The following PHLPP2 variants were observed in gnomAD, a reference collection of about 807,000 sequenced individuals.
PHLPP2 encodes PH domain leucine-rich repeat-containing protein phosphatase 2.
PHLPP2 carries 66 observed loss-of-function variants against 124.9 expected under a neutral mutation model. That is an observed-to-expected ratio of 0.53 (90% confidence interval 0.43 to 0.65). The LOEUF (loss-of-function observed/expected upper bound fraction) is 0.65. PHLPP2 is among the 30% of genes least tolerant of loss of function. The pLI, the probability that PHLPP2 is intolerant of heterozygous loss-of-function variation, is 0.00. For synonymous variants in PHLPP2, 681 were observed against 624.7 expected, an observed-to-expected ratio of 1.09 and a Z score of -1.34; for missense variants, 1,685 against 1,600.4, an observed-to-expected ratio of 1.05 and a Z score of -0.90.
In PHLPP2 at chr16:71,674,382, CT is replaced by C. The variant is rs371726738; in HGVS notation, c.1472-2061del. Among the ~76,000 whole-genome samples the C allele has an allele frequency of 6.7e-3, 943 of 141,256 alleles. 7 individuals are homozygous for C. The highest frequency in any genetic ancestry group is 0.018 in the African/African-American group (687 of 38,446). The allele number at this position is 141,256 out of a possible 152,430, so 92.7% of individuals were successfully genotyped here. On this transcript the variant is annotated intron_variant, in intron 9 of 18. Transcript: ENST00000568954. ...CTTGAGCCACTGTGCCAGGCCCAGA[CT>C]TTTTTTTTTTTTTTTAAAGAATTAA...
At position 71,672,118 on chromosome 16, in the gene PHLPP2, TC is replaced by T. The variant is rs1172505364; in HGVS notation, c.1532+143del. On this transcript the variant is annotated intron_variant, in intron 10 of 18. Coordinates refer to ENST00000568954, the MANE Select transcript of PHLPP2 (RefSeq NM_015020.3). ...TATACAGTAAGGCTATTAAACTTAT[TC>T]GTCCATTCATCCTTTCTCCTTTTTC... The T allele has an allele frequency of 1.1e-5, 7 of 646,428 alleles. No individual in the cohort carries two copies. In the Middle Eastern group the frequency reaches 7.4e-4, roughly 69 times the overall value. The allele number at this position is 646,428 out of a possible 1,614,324, so 40.0% of individuals were successfully genotyped here. A position where few individuals can be genotyped will look rare whatever the true frequency, so the allele number is the denominator to read the frequency against.
At chr16:71,703,383 A>T (rs965573070) in intron 2 of PHLPP2, among the ~76,000 whole-genome samples, 2 of 152,180 alleles carry the variant, frequency 1.3e-5, no homozygotes, top group Admixed American at 6.5e-5. Flanking sequence ...CTCCCTAAAG[A>T]TCATTCTACT....
chr16:71,693,771 T>G (rs993650339), intron 3 of PHLPP2, among the ~76,000 whole-genome samples: 2 of 152,222 alleles, frequency 1.3e-5, no homozygotes, highest in African/African-American at 4.8e-5. Flanking sequence ...TTGTCAATTT[T>G]TAAAGAACCA....
intron 3 of PHLPP2, among the ~76,000 whole-genome samples, 161 bp downstream of exon 3, chr16:71,702,437 C>T (rs2045241130): frequency 6.6e-6 from 1 of 152,164 alleles, no homozygotes; most frequent in African/African-American, 2.4e-5. Flanking sequence ...TTACCCCTGA[C>T]CTCTTGGCTT....
chr16:71,678,950 G>T lies in PHLPP2; in HGVS notation c.1073C>A (p.Thr358Asn), dbSNP rs1226214571. ...ATTTCCCAATTCTTCAGGTAAAGTAGTCAGAAAGTTGCCATCAAGACAGAG... is the reference window on the plus strand; with the variant it reads ...ATTTCCCAATTCTTCAGGTAAAGTATTCAGAAAGTTGCCATCAAGACAGAG... ...QTLCLDGNFLTTLPEELGNLQ... is the reference protein window; with the variant it reads ...QTLCLDGNFLNTLPEELGNLQ... The change falls in exon 8 of 19, where the codon ACT (threonine) becomes AAT (asparagine). Residue 358 changes from threonine (T) to asparagine (N), a missense_variant. By Grantham distance (65) the Thr-to-Asn change is moderately conservative. Transcript: ENST00000568954. 1.9e-6 allele frequency: 3 copies of T among 1,611,726 alleles called. No homozygotes were observed. Among genetic ancestry groups the T allele is most frequent in the South Asian group, 2.2e-5 (2 of 91,042 alleles).
chr16:71,678,995 GA>G lies in PHLPP2; in HGVS notation c.1038-11del, dbSNP rs1567619307. ...ACAGAGGGTTTGAAGACTATAGGAA[GA>G]AAACAAAACAAGTCTACTTTATGAA... On this transcript the variant is annotated splice_polypyrimidine_tract_variant and intron_variant, in intron 7 of 18. Transcript: ENST00000568954. 6.9e-7 allele frequency: 1 copy of G among 1,458,046 alleles called. No homozygotes were observed. Among genetic ancestry groups the G allele is most frequent in the Non-Finnish European group, 9.6e-7 (1 of 1,042,204 alleles). 90.3% of individuals were successfully genotyped at this position (1,458,046 alleles called of 1,614,324 possible).
chr16:71,689,366 G>A lies in PHLPP2; in HGVS notation c.609+1153C>T, dbSNP rs377482784. On this transcript the variant is annotated intron_variant, in intron 4 of 18. Coordinates refer to ENST00000568954, the MANE Select transcript of PHLPP2 (RefSeq NM_015020.3). ...CCACCAAGCAGTTGACACTTCAGGC[G>A]CCACACCACTACACCTGGCTTTTTT... Among the ~76,000 whole-genome samples the A allele has an allele frequency of 2.8e-4, 38 of 137,050 alleles. 1 individual carries two copies. The East Asian group carries it at 5.8e-3, about 21-fold the overall frequency. 89.9% of individuals were successfully genotyped at this position (137,050 alleles called of 152,430 possible). A position where few individuals can be genotyped will look rare whatever the true frequency, so the allele number is the denominator to read the frequency against.
At chr16:71,701,475 G>A (rs2145368252) in intron 3 of PHLPP2, among the ~76,000 whole-genome samples, 1 of 152,118 alleles carries the variant, frequency 6.6e-6, no homozygotes, top group East Asian at 1.9e-4. Flanking sequence ...CTCACTTTTG[G>A]AAAGATCCCT....
At position 71,658,771 on chromosome 16, in the gene PHLPP2, C is replaced by T; in HGVS notation, c.2030G>A (p.Gly677Asp). ...LEQLEELNLSGNKLKTIPTTI... is the reference protein window; with the variant it reads ...LEQLEELNLSDNKLKTIPTTI... ...TGTGGGAATGGTTTTAAGCTTGTTG[C>T]CACTTAGGTTCAGTTCCTCCAATTG... The change falls in exon 14 of 19, where the codon GGC becomes GAC. Residue 677 changes from glycine to aspartate, a missense_variant. By Grantham distance (94) the Gly-to-Asp change is moderately conservative. Coordinates refer to ENST00000568954, the MANE Select transcript of PHLPP2 (RefSeq NM_015020.3). 6.2e-7 allele frequency: 1 copy of T among 1,614,108 alleles called. No homozygotes were observed. The highest frequency in any genetic ancestry group is 1.1e-5 in the South Asian group (1 of 91,072).
intron 1 of PHLPP2, among the ~76,000 whole-genome samples, chr16:71,721,233 T>C (rs2045396449): frequency 6.6e-6 from 1 of 151,382 alleles, no homozygotes; most frequent in African/African-American, 2.4e-5. Context: ...CTCAGGAAGC[T>C]AAGGCAGGAG....
chr16:71,679,765 G>A lies in PHLPP2; in HGVS notation c.891-230C>T, dbSNP rs532987155. Among the ~76,000 whole-genome samples, 35 of 152,222 alleles carry A rather than the reference G, an allele frequency of 2.3e-4. No homozygotes were observed. The East Asian group carries it at 6.4e-3, about 28-fold the overall frequency. ...AAGGAAACCACGTCTAGCATTACAG[G>A]AGCTCTCTTTTCTCCTTAAAAAGGA... On this transcript the variant is annotated intron_variant, in intron 6 of 18. Transcript: ENST00000568954.
intron 2 of PHLPP2, among the ~76,000 whole-genome samples, chr16:71,708,711 A>G (rs1255573112): frequency 6.6e-6 from 1 of 152,194 alleles, no homozygotes; most frequent in African/African-American, 2.4e-5. Flanking sequence ...ACTTGAACCC[A>G]GGAAGCGGAT....
chr16:71,657,357 C>T (rs551349991), intron 15 of PHLPP2, among the ~76,000 whole-genome samples: 63 of 150,236 alleles, frequency 4.2e-4, no homozygotes, highest in Non-Finnish European at 6.1e-4. Context: ...GAATTACAGG[C>T]GTGAGCCACC....
intron 4 of PHLPP2, among the ~76,000 whole-genome samples, chr16:71,688,408 T>C (rs1362869610): frequency 2.0e-5 from 3 of 152,236 alleles, no homozygotes; most frequent in African/African-American, 7.2e-5. Flanking sequence ...TTTCCAATAT[T>C]CTACTTGGCT....
intron 2 of PHLPP2, 133 bp from the exon 3 acceptor site, chr16:71,702,864 T>C (rs770038795): frequency 7.2e-6 from 4 of 558,468 alleles, no homozygotes; most frequent in African/African-American, 1.9e-5. Context: ...TACTGCTTAG[T>C]AGTGAAGTCT....
chr16:71,695,920 G>A (rs998051452), intron 3 of PHLPP2, among the ~76,000 whole-genome samples: 1 of 152,118 alleles, frequency 6.6e-6, no homozygotes, highest in African/African-American at 2.4e-5. Flanking sequence ...ACACCAAATT[G>A]ATGGTGGTTA....
At chr16:71,723,879 G>A in intron 1 of PHLPP2, 2 of 1,104,642 alleles carry the variant, frequency 1.8e-6, no homozygotes, top group Non-Finnish European at 2.2e-6. Context: ...GGCGACCCAG[G>A]ATTCACAGAG....
chr16:71,677,492 A>G (rs1339060574), intron 8 of PHLPP2: 2 of 135,414 alleles, frequency 1.5e-5, no homozygotes, highest in African/African-American at 5.7e-5. Flanking sequence ...ATATATATAT[A>G]TGGAAGAGTT....
chr16:71,706,755 C>T (rs868002571), intron 2 of PHLPP2, among the ~76,000 whole-genome samples: 1 of 151,946 alleles, frequency 6.6e-6, no homozygotes, highest in Admixed American at 6.6e-5. Flanking sequence ...GAACCTGTGT[C>T]GGTTTCATAA....
Sources: gnomAD v4.1 joint callset for allele counts (sites outside exome capture counted in the v4.1 genomes callset) on GRCh38, gnomAD v4.1.1 for gene constraint, MANE v1.5 for transcripts, NCBI Gene and HGNC (gene_info 2026-07-23, HGNC 2026-07-21) for gene names.